Variants in NLRP5 observed in about 807,000 individuals in gnomAD.
NLRP5 encodes NLR family pyrin domain containing 5.
Under a neutral mutation model 113.1 loss-of-function variants are expected in NLRP5, and 93 were observed. The ratio of observed to expected loss-of-function variants is 0.82; its 90% CI spans 0.70 to 0.98. NLRP5 has a LOEUF of 0.98. Ranked by LOEUF, NLRP5 falls within the 50% of genes least tolerant of loss-of-function variation. The pLI is 0.00. For synonymous variants in NLRP5, 751 were observed against 600.7 expected (o/e 1.25, Z -3.66); for missense variants, 1,808 against 1,514.3 (o/e 1.19, Z -3.22).
chr19:55,995,444 A>G (rs1446239148), upstream of NLRP5, among the ~76,000 whole-genome samples: 1 of 152,176 alleles, frequency 6.6e-6, no homozygotes, highest in African/African-American at 2.4e-5. Flanking sequence ...TGGATTTCTG[A>G]ATTATCTATT....
chr19:56,001,957 T>C (rs1197736120), intron 1 of NLRP5, among the ~76,000 whole-genome samples: 2 of 152,220 alleles, frequency 1.3e-5, no homozygotes, highest in Non-Finnish European at 2.9e-5. Context: ...TCACTATTTA[T>C]AGGGCTCTTA....
rs1265062262 is a variant in NLRP5, at chr19:56,033,689, A to G, written c.2595A>G (p.Lys865=). Residue 865 remains lysine, a synonymous_variant, in exon 9 of 15, where the codon AAA becomes AAG. Transcript: ENST00000390649. ...CGTGTGAAGCCTTAAAACACCCAAAATGTTTGTTGGAGTCTTTGAGGTACG... is the reference window on the plus strand; with the variant it reads ...CGTGTGAAGCCTTAAAACACCCAAAGTGTTTGTTGGAGTCTTTGAGGTACG... The G allele has an allele frequency of 6.2e-7, 1 of 1,613,082 alleles. No homozygotes were observed. Among genetic ancestry groups the G allele is most frequent in the South Asian group, 1.1e-5 (1 of 90,914 alleles).
Position 56,010,742 on chromosome 19 carries a change from C to CCAAAAAAAAAAAAAAAAAAAAAAAAA in NLRP5, c.508+1889_508+1890insCAAAAAAAAAAAAAAAAAAAAAAAAA, listed in dbSNP as rs1555764914. On this transcript the variant is annotated intron_variant, in intron 3 of 14. Coordinates refer to ENST00000390649, the MANE Select transcript of NLRP5 (RefSeq NM_153447.4). Reference sequence around the variant, plus strand: ...GGGAAACAAGAGCTTAACTCTGTCTCAAAAAAAAAAAAAGTCCCTTGAAAC... The same window carrying CCAAAAAAAAAAAAAAAAAAAAAAAAA: ...GGGAAACAAGAGCTTAACTCTGTCTCCAAAAAAAAAAAAAAAAAAAAAAAAAAAAAAAAAAAAAAGTCCCTTGAAAC... Among the ~76,000 whole-genome samples, 51 of 41,270 alleles carry CCAAAAAAAAAAAAAAAAAAAAAAAAA rather than the reference C, an allele frequency of 1.2e-3. 3 individuals are homozygous for CCAAAAAAAAAAAAAAAAAAAAAAAAA. Among genetic ancestry groups the CCAAAAAAAAAAAAAAAAAAAAAAAAA allele is most frequent in the African/African-American group, 5.0e-3 (48 of 9,600 alleles). The allele number at this position is 41,270 out of a possible 152,430, so 27.1% of individuals were successfully genotyped here.
At chr19:56,026,736 T>C (rs1046807963) in intron 6 of NLRP5, among the ~76,000 whole-genome samples, 177 bp from the exon 7 acceptor site, 1 of 151,592 alleles carries the variant, frequency 6.6e-6, no homozygotes, top group African/African-American at 2.4e-5. Context: ...CCAACTACCA[T>C]GACTAGCTAA....
chr19:56,031,786 A>G (rs992114267), intron 7 of NLRP5, among the ~76,000 whole-genome samples: 3 of 152,182 alleles, frequency 2.0e-5, no homozygotes, highest in African/African-American at 7.2e-5. Flanking sequence ...TTCCATTAAC[A>G]TATGTATCAC....
chr19:56,030,757 C>T (rs1344435933), intron 7 of NLRP5, among the ~76,000 whole-genome samples: 1 of 105,318 alleles, frequency 9.5e-6, no homozygotes, highest in Non-Finnish European at 1.7e-5. Context: ...CTCGGTCACC[C>T]AGGCTGGAGT....
chr19:55,987,809 T>C, the NLRP5 span: 1 of 1,610,900 alleles, frequency 6.2e-7, no homozygotes, highest in Non-Finnish European at 8.5e-7. Context: ...TTTACCTCCC[T>C]CCAGCTGTAT....
At chr19:56,057,851 C>T (rs1029519789) in intron 13 of NLRP5, among the ~76,000 whole-genome samples, 1 of 151,924 alleles carries the variant, frequency 6.6e-6, no homozygotes, top group African/African-American at 2.4e-5. Context: ...CATGATGAAA[C>T]TCTGTTTCTA....
At chr19:56,032,985 C>A (rs553543022) in intron 8 of NLRP5, among the ~76,000 whole-genome samples, 1 of 152,254 alleles carries the variant, frequency 6.6e-6, no homozygotes, top group Admixed American at 6.5e-5. Context: ...GTGGCTCATG[C>A]CTGTAATCCC....
At chr19:56,018,235 T>C (rs1173092006) in intron 4 of NLRP5, among the ~76,000 whole-genome samples, 1 of 152,222 alleles carries the variant, frequency 6.6e-6, no homozygotes, top group Non-Finnish European at 1.5e-5. Flanking sequence ...CTGTTTGTGA[T>C]TTTAAAAAAT....
chr19:55,991,554 C>G, the NLRP5 span, among the ~76,000 whole-genome samples: 1 of 152,130 alleles, frequency 6.6e-6, no homozygotes. Flanking sequence ...CTAAATTATG[C>G]ATGTTTTACC....
chr19:56,055,709 C>G (rs1318791873), intron 13 of NLRP5, among the ~76,000 whole-genome samples: 1 of 151,722 alleles, frequency 6.6e-6, no homozygotes, highest in South Asian at 2.1e-4. Context: ...CCACGCCCGG[C>G]TAATTTTTTG....
rs763830635 is a variant in NLRP5, at chr19:56,027,570, T to G, written c.1337T>G (p.Ile446Ser). 6.2e-7 allele frequency: 1 copy of G among 1,613,960 alleles called. No homozygotes were observed. Among genetic ancestry groups the G allele is most frequent in the Middle Eastern group, 1.6e-4 (1 of 6,062 alleles). Residue 446 changes from isoleucine (I) to serine (S), a missense_variant, in exon 7 of 15, where the codon ATT (isoleucine) becomes AGT (serine). Ile to Ser is a moderately radical substitution (Grantham distance 142). Coordinates refer to ENST00000390649, the MANE Select transcript of NLRP5 (RefSeq NM_153447.4). Reference sequence around the variant, plus strand: ...ATCCACTTGCTCCTTGAGCGCGGGATTGGTGAGCATCAGAAGACACAAGGG... The same window carrying G: ...ATCCACTTGCTCCTTGAGCGCGGGAGTGGTGAGCATCAGAAGACACAAGGG...
At chr19:55,999,416 A>G (rs975181875), upstream of NLRP5, among the ~76,000 whole-genome samples, 10 of 151,862 alleles carry the variant, frequency 6.6e-5, no homozygotes, top group Admixed American at 1.3e-4. Context: ...GGGTTTCACC[A>G]TGTTAGCCAG....
chr19:56,014,809 C>T (rs12151111), intron 3 of NLRP5, among the ~76,000 whole-genome samples: 16,532 of 152,164 alleles, frequency 0.11, 1,162 homozygotes, highest in African/African-American at 0.18. Context: ...ACTGACTTAA[C>T]TACTATTGCT....
intron 9 of NLRP5, among the ~76,000 whole-genome samples, chr19:56,037,738 G>A (rs939789929): frequency 6.7e-6 from 1 of 149,438 alleles, no homozygotes; most frequent in South Asian, 2.1e-4. Flanking sequence ...GGGTTGCTAT[G>A]AATGTTGAGA....
intron 2 of NLRP5, among the ~76,000 whole-genome samples, chr19:56,005,727 C>T (rs1470279034): frequency 6.6e-6 from 1 of 152,202 alleles, no homozygotes; most frequent in South Asian, 2.1e-4. Flanking sequence ...GGCTCTCTCT[C>T]CTGAGCTTGG....
chr19:56,030,536 T>C (rs1983057166), intron 7 of NLRP5, among the ~76,000 whole-genome samples: 1 of 151,978 alleles, frequency 6.6e-6, no homozygotes, highest in Non-Finnish European at 1.5e-5. Flanking sequence ...GCCCGTTACT[T>C]TGTTCTTTCC....
intron 10 of NLRP5, among the ~76,000 whole-genome samples, chr19:56,040,317 A>G (rs1983471947): frequency 1.3e-5 from 2 of 152,162 alleles, no homozygotes; most frequent in African/African-American, 4.8e-5. Context: ...ACACTTTGGG[A>G]GGCTGAGGCA....
Sources: allele counts gnomAD v4.1 joint callset (sites outside exome capture counted in the v4.1 genomes callset), GRCh38; gene constraint gnomAD v4.1.1; transcripts MANE v1.5; gene names NCBI Gene and HGNC (gene_info 2026-07-23, HGNC 2026-07-21).